The following AGXT2 variants were observed in gnomAD, a reference collection of about 807,000 sequenced individuals.
AGXT2 encodes alanine--glyoxylate aminotransferase 2, also known as alanine--glyoxylate aminotransferase 2, mitochondrial.
Under a neutral mutation model 62.5 loss-of-function variants are expected in AGXT2, and 61 were observed. The observed-to-expected ratio is 0.98, with a 90% confidence interval of 0.79 to 1.21. The LOEUF (loss-of-function observed/expected upper bound fraction) is 1.21, where lower values mean the gene tolerates loss of function less well. AGXT2 is among the 50% of genes most tolerant of loss of function. The pLI is 0.00. For synonymous variants in AGXT2, 243 were observed against 218.7 expected, an observed-to-expected ratio of 1.11 and a Z score of -0.98; for missense variants, 666 against 641.5, an observed-to-expected ratio of 1.04 and a Z score of -0.41.
At position 35,025,824 on chromosome 5, in the gene AGXT2, C is replaced by T. The variant is rs146055301; in HGVS notation, c.902G>A (p.Gly301Glu). ...GVNGVVQYPK[G>E]FLKEAFELVR... The stretch of plus-strand genomic sequence containing the variant: ...CAGCTCAAAGGCTTCCTTTAGAAAC[C>T]CCTTTGGGTACTGGACAACTCCATT... Residue 301 changes from glycine to glutamate, a missense_variant, in exon 9 of 14, where the codon GGG becomes GAG. Transcript: ENST00000231420. The T allele has an allele frequency of 4.3e-6, 7 of 1,614,058 alleles. No homozygotes were observed. The South Asian group carries it at 6.6e-5, about 15-fold the overall frequency.
intron 1 of AGXT2, among the ~76,000 whole-genome samples, chr5:35,046,133 A>G (rs1303674331): frequency 1.3e-5 from 2 of 152,080 alleles, no homozygotes; most frequent in Non-Finnish European, 2.9e-5. Flanking sequence ...AGGCGTCGCC[A>G]ACGAGTTGCT....
chr5:35,016,509 T>C (rs934598811), intron 9 of AGXT2, among the ~76,000 whole-genome samples: 29 of 152,174 alleles, frequency 1.9e-4, no homozygotes, highest in African/African-American at 5.6e-4. Flanking sequence ...TGAAAGTTTA[T>C]CCTTGCTGCA....
At chr5:35,009,864 C>T in intron 12 of AGXT2, 136 bp downstream of exon 12, 1 of 1,193,776 alleles carries the variant, frequency 8.4e-7, no homozygotes, top group East Asian at 2.4e-5. Context: ...CTCTACTAAT[C>T]TCTAAAGGGC....
chr5:35,015,278 A>G (rs1580581078), intron 9 of AGXT2, among the ~76,000 whole-genome samples: 1 of 152,178 alleles, frequency 6.6e-6, no homozygotes, highest in African/African-American at 2.4e-5. Flanking sequence ...CTGTATCCAT[A>G]ACACCTAGCA....
intron 12 of AGXT2, among the ~76,000 whole-genome samples, chr5:35,005,035 T>A (rs2894886): frequency 0.37 from 55,710 of 152,096 alleles, 10,419 homozygotes; most frequent in South Asian, 0.48. Flanking sequence ...AGGGAAGGAC[T>A]AGAATCCTCT....
chr5:35,015,885 C>CT (rs1227458294), intron 9 of AGXT2, among the ~76,000 whole-genome samples: 1 of 147,968 alleles, frequency 6.8e-6, no homozygotes, highest in Non-Finnish European at 1.5e-5. Flanking sequence ...AGTGAGCCTC[C>CT]TTTTCAGATT....
At chr5:35,027,558 A>C (rs1222923200) in intron 7 of AGXT2, among the ~76,000 whole-genome samples, 1 of 152,130 alleles carries the variant, frequency 6.6e-6, no homozygotes, top group Non-Finnish European at 1.5e-5. Flanking sequence ...TAAATGTATT[A>C]AACATATTCA....
chr5:35,039,624 G>C, intron 2 of AGXT2, 116 bp from the exon 3 acceptor site: 1 of 1,127,510 alleles, frequency 8.9e-7, no homozygotes, highest in Admixed American at 2.1e-5. Flanking sequence ...CTGGCCTGTA[G>C]AGGCTCAGAA....
Position 35,013,980 on chromosome 5 carries a change from G to A in AGXT2, c.1096+7C>T, listed in dbSNP as rs558868891. 5 of 1,613,938 alleles carry A rather than the reference G, an allele frequency of 3.1e-6. No homozygotes were observed. In the East Asian group the frequency reaches 1.1e-4, roughly 36 times the overall value. On this transcript the variant is annotated splice_region_variant and intron_variant, in intron 10 of 13. Coordinates refer to ENST00000231420, the MANE Select transcript of AGXT2 (RefSeq NM_031900.4). ...AGAAGCAAACACAAACTGCCTGTGG[G>A]TCCTACCTGGAGTGGTTATGACTGC... is the stretch of plus-strand genomic sequence containing the variant.
intron 12 of AGXT2, among the ~76,000 whole-genome samples, chr5:35,004,513 G>C (rs973800703): frequency 6.6e-6 from 1 of 152,204 alleles, no homozygotes; most frequent in South Asian, 2.1e-4. Context: ...ACATTGGGCT[G>C]ACTTGCATCC....
chr5:35,023,840 G>A (rs74930838), intron 9 of AGXT2, among the ~76,000 whole-genome samples: 2,818 of 151,972 alleles, frequency 0.019, 41 homozygotes, highest in Non-Finnish European at 0.028. Context: ...TGATGTGACA[G>A]CTCAGTGTCA....
At chr5:35,014,176 G>A (rs936493254) in intron 9 of AGXT2, 57 bp from the exon 10 acceptor site, 2 of 1,610,028 alleles carry the variant, frequency 1.2e-6, no homozygotes, top group Non-Finnish European at 8.5e-7. Flanking sequence ...GTTTTCGACA[G>A]GGCGCGGTGG....
chr5:35,010,290 T>A, intron 11 of AGXT2, 141 bp from the exon 12 acceptor site: 1 of 1,095,524 alleles, frequency 9.1e-7, no homozygotes, highest in Non-Finnish European at 1.4e-6. Context: ...CCACAAGGAC[T>A]ACAAAAAGAT....
chr5:35,026,113 G>C lies in AGXT2; in HGVS notation c.871-258C>G, dbSNP rs1319356294. On this transcript the variant is annotated intron_variant, in intron 8 of 13. Transcript: ENST00000231420. ...AATAAAAGAAATTGGTGAGACTAAA[G>C]AAAGAGTTCTTTGGACAATGCGGAT... 6.7e-6 allele frequency: 4 copies of C among 593,082 alleles called. No individual in the cohort carries two copies. The African/African-American group carries it at 7.5e-5, about 11-fold the overall frequency. 36.7% of individuals were successfully genotyped at this position (593,082 alleles called of 1,614,324 possible). A position where few individuals can be genotyped will look rare whatever the true frequency, so the allele number is the denominator to read the frequency against.
chr5:35,010,104 T>C lies in AGXT2; in HGVS notation c.1234A>G (p.Thr412Ala). The change falls in exon 12 of 14, where the codon ACC becomes GCC. Residue 412 changes from threonine to alanine, a missense_variant. By Grantham distance (58) the Thr-to-Ala change is moderately conservative (BLOSUM62 0). Transcript: ENST00000231420. ...NLQENSQEVGTYMLLKFAKLR... is the reference protein window; with the variant it reads ...NLQENSQEVGAYMLLKFAKLR... ...TTAGCAAACTTTAGTAACATGTAGG[T>C]CCCAACTTCTTGACTGTTTTCCTGT... 2.5e-6 allele frequency: 4 copies of C among 1,614,208 alleles called. No individual in the cohort carries two copies. The South Asian group carries it at 4.4e-5, about 18-fold the overall frequency.
intron 1 of AGXT2, among the ~76,000 whole-genome samples, chr5:35,047,248 G>C (rs545593056): frequency 5.3e-5 from 8 of 152,244 alleles, no homozygotes; most frequent in African/African-American, 1.9e-4. Context: ...AGACCAACTT[G>C]AGCAACATAG....
Position 35,010,181 on chromosome 5 carries a change from T to C in AGXT2, c.1189-32A>G, listed in dbSNP as rs780057421. On this transcript the variant is annotated intron_variant, in intron 11 of 13. Transcript: ENST00000231420. ...AGAGAAAGCCCCAAATGATCTTACA[T>C]GGCAGAAGTTCTAAGATTGACTGAG... 1.2e-5 allele frequency: 20 copies of C among 1,613,882 alleles called. 1 individual carries two copies. The South Asian group carries it at 1.8e-4, about 14-fold the overall frequency.
intron 13 of AGXT2, among the ~76,000 whole-genome samples, chr5:35,000,041 T>C (rs1766171700): frequency 6.6e-6 from 1 of 152,242 alleles, no homozygotes; most frequent in Non-Finnish European, 1.5e-5. Context: ...TTCCTGCTTT[T>C]AGCCACATCA....
chr5:35,015,608 G>A (rs142399367), intron 9 of AGXT2, among the ~76,000 whole-genome samples: 106 of 152,228 alleles, frequency 7.0e-4, no homozygotes, highest in African/African-American at 2.5e-3. Flanking sequence ...TCAGCACTTT[G>A]GGAGGCCGAG....
Sources: gnomAD v4.1 joint callset for allele counts (sites outside exome capture counted in the v4.1 genomes callset) on GRCh38, gnomAD v4.1.1 for gene constraint, MANE v1.5 for transcripts, NCBI Gene and HGNC (gene_info 2026-07-23, HGNC 2026-07-21) for gene names.